CROCC: variants seen among roughly 807,000 people sequenced by gnomAD.
CROCC encodes the protein ciliary rootlet coiled-coil, rootletin.
In CROCC, 180 loss-of-function variants were observed where a neutral mutation model predicts 245.2. That is an observed-to-expected ratio of 0.73 (90% CI 0.65 to 0.83). CROCC has a LOEUF of 0.83. Ranked by LOEUF, CROCC falls within the 40% of genes least tolerant of loss-of-function variation. CROCC has a pLI of 0.00. For missense variants in CROCC, 2,688 were observed against 2,779.4 expected (o/e 0.97, Z 0.74); for synonymous variants, 1,205 against 1,241.6 (o/e 0.97, Z 0.62).
chr1:16,935,749 A>G (rs1377556208), intron 8 of CROCC, among the ~76,000 whole-genome samples: 1 of 152,260 alleles, frequency 6.6e-6, no homozygotes, highest in Non-Finnish European at 1.5e-5. Context: ...TTGGCCACAG[A>G]GTGTTCCACA....
intron 32 of CROCC, 71 bp downstream of exon 32, chr1:16,969,411 G>T: frequency 1.4e-6 from 2 of 1,464,784 alleles, no homozygotes; most frequent in Non-Finnish European, 1.9e-6. Context: ...GCTTGGAGGG[G>T]GGCCCTGGTA....
At chr1:16,933,625 GGC>G (rs1347788435) in intron 8 of CROCC, among the ~76,000 whole-genome samples, 1 of 152,148 alleles carries the variant, frequency 6.6e-6, no homozygotes, top group Non-Finnish European at 1.5e-5. Flanking sequence ...GGAGTGAAGT[GGC>G]ACGATCTTGG....
chr1:16,926,802 A>G (rs1416102977), intron 3 of CROCC, among the ~76,000 whole-genome samples: 3 of 152,284 alleles, frequency 2.0e-5, no homozygotes, highest in Non-Finnish European at 2.9e-5. Flanking sequence ...GGAAAGAGTA[A>G]ATTGAATGGC....
intron 13 of CROCC, among the ~76,000 whole-genome samples, chr1:16,940,497 T>TCA (rs1486616693): frequency 3.9e-5 from 6 of 152,318 alleles, no homozygotes; most frequent in Middle Eastern, 3.4e-3. Flanking sequence ...TAAGCAATTC[T>TCA]CACCTCAGCC....
In CROCC at chr1:16,953,167, C is replaced by G. The variant is rs9435722; in HGVS notation, c.3007-135C>G. ...CGTGTCCCCGTCATAGCCCTTATCA[C>G]TCCCTTGTATTTACCTGGTCACCCT... is the stretch of plus-strand genomic sequence containing the variant. On this transcript the variant is annotated intron_variant, in intron 20 of 36. Transcript: ENST00000375541. 591 of 801,584 alleles carry G rather than the reference C, an allele frequency of 7.4e-4. 2 individuals are homozygous for G. The highest frequency in any genetic ancestry group is 5.3e-3 in the East Asian group (197 of 37,186). The allele number at this position is 801,584 out of a possible 1,614,324, so 49.7% of individuals were successfully genotyped here.
Position 16,939,104 on chromosome 1 carries a change from A to C in CROCC, c.1570A>C (p.Ile524Leu), listed in dbSNP as rs766721515. The part of the protein sequence containing the change: ...ACSDSSTLAL[I>L]HSALHKRQLQ... ...CTCAGACTCCTCCACGCTCGCCCTG[A>C]TCCACTCCGCCCTGCACAAGCGCCA... is the stretch of plus-strand genomic sequence containing the variant. Residue 524 changes from isoleucine (I) to leucine (L), a missense_variant, in exon 12 of 37, where the codon ATC becomes CTC. By Grantham distance (5) the Ile-to-Leu change is conservative (BLOSUM62 2). Transcript: ENST00000375541. 3.2e-6 allele frequency: 5 copies of C among 1,571,334 alleles called. No individual in the cohort carries two copies.
chr1:16,963,803 TG>T (rs138459382), intron 27 of CROCC, among the ~76,000 whole-genome samples: 9,082 of 151,362 alleles, frequency 0.06, 359 homozygotes, highest in African/African-American at 0.11. Context: ...ACTTTGTTTT[TG>T]TTTTTTTTTG....
rs201265214 is a variant in CROCC, at chr1:16,955,399, C to T, written c.3553C>T (p.Arg1185Cys). 2.0e-5 allele frequency: 32 copies of T among 1,604,544 alleles called. No individual in the cohort carries two copies. The highest frequency in any genetic ancestry group is 8.9e-5 in the East Asian group (4 of 44,782). The stretch of plus-strand genomic sequence containing the variant: ...GCTGCTGGAGGCCCAGCGCAAGCTG[C>T]GTGAGAGCCAGGAGGGCCGGGAGGT... ...RELLEAQRKLRESQEGREVQR... is the reference protein window; with the variant it reads ...RELLEAQRKLCESQEGREVQR... Residue 1185 changes from arginine (R) to cysteine (C), a missense_variant, in exon 24 of 37, where the codon CGT (arginine) becomes TGT (cysteine). Coordinates refer to ENST00000375541, the MANE Select transcript of CROCC (RefSeq NM_014675.5).
upstream of CROCC, chr1:16,921,900 G>C: frequency 3.6e-6 from 4 of 1,114,060 alleles, no homozygotes; most frequent in Non-Finnish European, 5.2e-6. Flanking sequence ...GGGCGCCGCC[G>C]GATTTAAGCT....
Position 16,942,213 on chromosome 1 carries a change from G to A in CROCC, c.1809-1887G>A, listed in dbSNP as rs2075949075. Among the ~76,000 whole-genome samples the A allele has an allele frequency of 2.0e-5, 3 of 152,358 alleles. No individual in the cohort carries two copies. In the South Asian group the frequency reaches 6.2e-4, roughly 32 times the overall value. On this transcript the variant is annotated intron_variant, in intron 13 of 36. Transcript: ENST00000375541. ...TTTTGTAGAGATAGGGTTTCGCCATGTTGCCCAGGCTGATCTCTAACTCCT... is the reference window on the plus strand; with the variant it reads ...TTTTGTAGAGATAGGGTTTCGCCATATTGCCCAGGCTGATCTCTAACTCCT...
intron 5 of CROCC, 25 bp downstream of exon 5, chr1:16,930,232 C>T (rs757482405): frequency 3.8e-6 from 6 of 1,586,134 alleles, no homozygotes; most frequent in South Asian, 2.3e-5. Flanking sequence ...GGGGCAGGGG[C>T]AGGCCCTGCC....
chr1:16,950,786 A>C (rs2076146099), intron 19 of CROCC, among the ~76,000 whole-genome samples, 167 bp from the exon 20 acceptor site: 4 of 152,232 alleles, frequency 2.6e-5, no homozygotes, highest in Admixed American at 2.6e-4. Flanking sequence ...GCATATAGGG[A>C]AACTGAGGCC....
At chr1:16,948,599 C>T in intron 18 of CROCC, 75 bp downstream of exon 18, 1 of 1,473,338 alleles carries the variant, frequency 6.8e-7, no homozygotes, top group Non-Finnish European at 9.0e-7. Flanking sequence ...CACACGCAGG[C>T]ACGGGCCCCC....
chr1:16,960,590 C>CGGAAA (rs1186986651), intron 26 of CROCC, among the ~76,000 whole-genome samples, 168 bp from the exon 27 acceptor site: 2 of 152,328 alleles, frequency 1.3e-5, no homozygotes, highest in Non-Finnish European at 2.9e-5. Context: ...TCTAGTATTT[C>CGGAAA]CTCCCACGGG....
chr1:16,929,742 C>G (rs2075621126), intron 3 of CROCC, 104 bp from the exon 4 acceptor site: 2 of 1,436,608 alleles, frequency 1.4e-6, no homozygotes, highest in African/African-American at 2.9e-5. Flanking sequence ...GGCTATCAGC[C>G]TACAAGGCAT....
At chr1:16,946,626 T>C (rs7414606) in intron 16 of CROCC, 135 bp from the exon 17 acceptor site, 222 of 1,129,336 alleles carry the variant, frequency 2.0e-4, no homozygotes, top group Non-Finnish European at 2.6e-4. Flanking sequence ...CAGTGTCCCA[T>C]ACACCCAAGG....
rs368001147 is a variant in CROCC at position 16,953,076 on chromosome 1, G to A, written c.3007-226G>A. 6.9e-4 allele frequency: 374 copies of A among 538,530 alleles called. 3 individuals are homozygous for A. In the East Asian group the frequency reaches 9.8e-3, roughly 14 times the overall value. The allele number at this position is 538,530 out of a possible 1,614,324, so 33.4% of individuals were successfully genotyped here. On this transcript the variant is annotated intron_variant, in intron 20 of 36. Coordinates refer to ENST00000375541, the MANE Select transcript of CROCC (RefSeq NM_014675.5). ...CTGGCTGACAGTTACTTGTCCCTCC[G>A]CAGGGGACCATGTTCGGACCCCCAG...
rs893041345 is a variant in CROCC at position 16,954,429 on chromosome 1, G to A, written c.3321+72G>A. The A allele has an allele frequency of 1.3e-5, 20 of 1,540,496 alleles. No individual in the cohort carries two copies. The South Asian group carries it at 1.8e-4, about 14-fold the overall frequency. On this transcript the variant is annotated intron_variant, in intron 22 of 36. Transcript: ENST00000375541. This position sits in a 1 kb window ranked among gnomAD's most constrained non-coding sequence, Gnocchi z 4.4. ...TCCCTGGCTGAGGAGCCCCCACCAC[G>A]GGGCGGCATGGCCCTGTCCTGGAGA...
intron 20 of CROCC, chr1:16,952,103 T>A (rs969553032): frequency 2.0e-5 from 3 of 151,518 alleles, no homozygotes; most frequent in African/African-American, 4.8e-5. Context: ...TTGGTCAGGG[T>A]GTCTCGAACT....
Sources: allele counts gnomAD v4.1 joint callset (sites outside exome capture counted in the v4.1 genomes callset), GRCh38; gene constraint gnomAD v4.1.1; non-coding constraint Gnocchi (gnomAD v3.1); transcripts MANE v1.5; gene names NCBI Gene and HGNC (gene_info 2026-07-23, HGNC 2026-07-21).